RPS6KC1: variants seen among roughly 807,000 people sequenced by gnomAD.
RPS6KC1 encodes the protein inactive ribosomal protein S6 kinase delta-1.
Under a neutral mutation model 103.8 loss-of-function variants are expected in RPS6KC1, and 54 were observed. The ratio of observed to expected loss-of-function variants is 0.52; its 90% CI spans 0.42 to 0.65. The LOEUF (loss-of-function observed/expected upper bound fraction) is 0.65, where lower values mean the gene tolerates loss of function less well. Ranked by LOEUF, RPS6KC1 falls within the 30% of genes least tolerant of loss-of-function variation. RPS6KC1 has a pLI of 0.00. For synonymous variants in RPS6KC1, 439 were observed against 438.7 expected, an observed-to-expected ratio of 1.00 and a Z score of -0.01; for missense variants, 1,151 against 1,253.8, an observed-to-expected ratio of 0.92 and a Z score of 1.24.
At chr1:213,728,938 T>G in the RPS6KC1 span, among the ~76,000 whole-genome samples, 17 of 41,160 alleles carry the variant, frequency 4.1e-4, no homozygotes, top group Admixed American at 1.1e-3. Context: ...AACATGAGGG[T>G]TTTTTTTTTG....
the RPS6KC1 span, chr1:213,818,407 C>T: frequency 6.6e-6 from 1 of 152,358 alleles, no homozygotes; most frequent in Non-Finnish European, 1.5e-5. Context: ...GAAAGCAAAA[C>T]AGCCTCATTG....
chr1:213,122,476 A>C (rs1356007920), intron 5 of RPS6KC1, among the ~76,000 whole-genome samples: 2 of 152,186 alleles, frequency 1.3e-5, no homozygotes, highest in Non-Finnish European at 2.9e-5. Flanking sequence ...TTAAATAGGA[A>C]TATTTGTCAC....
intron 8 of RPS6KC1, among the ~76,000 whole-genome samples, chr1:213,200,778 A>G (rs1439836085): frequency 1.3e-5 from 2 of 152,186 alleles, no homozygotes; most frequent in Non-Finnish European, 2.9e-5. Context: ...TTACAAGAAG[A>G]AAAAAACAGC....
chr1:213,158,849 A>G (rs2090183482), intron 6 of RPS6KC1, among the ~76,000 whole-genome samples: 1 of 152,066 alleles, frequency 6.6e-6, no homozygotes, highest in South Asian at 2.1e-4. Context: ...TTCTTCCTTA[A>G]TCTTAGATTT....
the RPS6KC1 span, among the ~76,000 whole-genome samples, chr1:213,643,563 A>G: frequency 1.3e-5 from 2 of 151,724 alleles, no homozygotes; most frequent in African/African-American, 2.4e-5. Flanking sequence ...TTGTTTTGAT[A>G]TTTGATTATA....
the RPS6KC1 span, among the ~76,000 whole-genome samples, chr1:213,384,640 A>G: frequency 6.6e-6 from 1 of 152,172 alleles, no homozygotes; most frequent in South Asian, 2.1e-4. Context: ...AGAGCTTCAC[A>G]CAGATGCCCC....
intron 4 of RPS6KC1, among the ~76,000 whole-genome samples, chr1:213,115,275 G>C (rs2083459655): frequency 6.6e-6 from 1 of 151,624 alleles, no homozygotes; most frequent in Non-Finnish European, 1.5e-5. Context: ...TCCTGGTTTA[G>C]TCTTGGGAGA....
the RPS6KC1 span, among the ~76,000 whole-genome samples, chr1:213,762,340 CCTTT>C: frequency 6.6e-6 from 1 of 152,196 alleles, no homozygotes; most frequent in Admixed American, 6.5e-5. Flanking sequence ...TTTCTCTTTG[CCTTT>C]CTGTCTTCCG....
At chr1:213,255,321 T>TAA (rs376131332) in intron 12 of RPS6KC1, among the ~76,000 whole-genome samples, 4 of 139,024 alleles carry the variant, frequency 2.9e-5, no homozygotes, top group Admixed American at 7.2e-5. Context: ...ATGAGAACCT[T>TAA]AAAAAAAAAA....
chr1:213,760,227 C>T, the RPS6KC1 span, among the ~76,000 whole-genome samples: 3 of 152,124 alleles, frequency 2.0e-5, no homozygotes, highest in Non-Finnish European at 2.9e-5. Context: ...ATAAATAACT[C>T]AGGAAGAAAT....
the RPS6KC1 span, among the ~76,000 whole-genome samples, chr1:213,341,960 T>A: frequency 6.6e-6 from 1 of 152,218 alleles, no homozygotes; most frequent in African/African-American, 2.4e-5. Flanking sequence ...TAGCACATTG[T>A]AAGTACTCTA....
the RPS6KC1 span, among the ~76,000 whole-genome samples, chr1:213,629,750 C>T: frequency 1.3e-5 from 2 of 152,204 alleles, no homozygotes; most frequent in Non-Finnish European, 2.9e-5. Context: ...TTTAGTGCTT[C>T]CTTCAGGAGC....
chr1:213,204,892 G>T (rs2093290776), intron 8 of RPS6KC1, among the ~76,000 whole-genome samples: 1 of 152,136 alleles, frequency 6.6e-6, no homozygotes, highest in African/African-American at 2.4e-5. Flanking sequence ...GCTTCCCAAA[G>T]TGCTGGGATT....
the RPS6KC1 span, among the ~76,000 whole-genome samples, chr1:213,768,380 G>GA: frequency 6.6e-6 from 1 of 151,528 alleles, no homozygotes; most frequent in African/African-American, 2.4e-5. Context: ...ATTTTTCAGG[G>GA]AGAAAAAAAA....
At chr1:213,431,513 A>T in the RPS6KC1 span, among the ~76,000 whole-genome samples, 1 of 151,906 alleles carries the variant, frequency 6.6e-6, no homozygotes, top group African/African-American at 2.4e-5. Context: ...ATTGCCATTA[A>T]TTCATTATTC....
the RPS6KC1 span, among the ~76,000 whole-genome samples, chr1:213,658,661 G>T: frequency 1.1e-3 from 170 of 152,330 alleles, no homozygotes; most frequent in African/African-American, 3.9e-3. Context: ...AGGTTCTGGA[G>T]CAATAAAATA....
chr1:213,859,743 T>C, the RPS6KC1 span, among the ~76,000 whole-genome samples: 1 of 152,182 alleles, frequency 6.6e-6, no homozygotes, highest in Non-Finnish European at 1.5e-5. Flanking sequence ...GGTATCACCA[T>C]CTATGGTGGA....
chr1:213,853,554 T>G, the RPS6KC1 span, among the ~76,000 whole-genome samples: 2 of 152,254 alleles, frequency 1.3e-5, no homozygotes, highest in African/African-American at 4.8e-5. Context: ...TAAGGCATAC[T>G]TCCCTTACAT....
At chr1:213,666,906 C>T in the RPS6KC1 span, among the ~76,000 whole-genome samples, 1 of 152,218 alleles carries the variant, frequency 6.6e-6, no homozygotes, top group Admixed American at 6.5e-5. Flanking sequence ...TGAGCTGGTT[C>T]TTAGTGAGAA....
Sources: gnomAD v4.1 joint callset for allele counts (sites outside exome capture counted in the v4.1 genomes callset) on GRCh38, gnomAD v4.1.1 for gene constraint, MANE v1.5 for transcripts, NCBI Gene and HGNC (gene_info 2026-07-23, HGNC 2026-07-21) for gene names.